The following LGR5 variants were observed in gnomAD, a reference collection of about 807,000 sequenced individuals.
LGR5 encodes the protein leucine-rich repeat-containing G protein-coupled receptor 5.
LGR5 carries 54 observed loss-of-function variants against 76.7 expected under a neutral mutation model. The observed-to-expected ratio is 0.70, with a 90% CI of 0.57 to 0.88. The LOEUF (loss-of-function observed/expected upper bound fraction) is 0.88, where lower values mean the gene tolerates loss of function less well. Ranked by LOEUF, LGR5 falls within the 40% of genes least tolerant of loss-of-function variation. The pLI, the probability that LGR5 is intolerant of heterozygous loss-of-function variation, is 0.00. For synonymous variants in LGR5, 406 were observed against 421.9 expected (o/e 0.96, Z 0.46); for missense variants, 1,078 against 1,073.3 (o/e 1.00, Z -0.06).
intron 1 of LGR5, among the ~76,000 whole-genome samples, chr12:71,493,770 C>T (rs1218410652): frequency 1.5e-5 from 2 of 129,558 alleles, no homozygotes; most frequent in Admixed American, 7.8e-5. Context: ...AGTAAATAAG[C>T]TTTTTTTTTT....
chr12:71,537,183 C>CAAAAAAAAAAAA (rs35199889), intron 4 of LGR5, among the ~76,000 whole-genome samples: 2 of 111,130 alleles, frequency 1.8e-5, no homozygotes, highest in African/African-American at 3.5e-5. Context: ...TAAGAGTTGT[C>CAAAAAAAAAAAA]AAAAAAAAAA....
At chr12:71,503,278 A>G (rs1175271989) in intron 1 of LGR5, among the ~76,000 whole-genome samples, 3 of 152,164 alleles carry the variant, frequency 2.0e-5, no homozygotes, top group African/African-American at 7.2e-5. Flanking sequence ...CGCCAGAAAA[A>G]TCCAGATTTT....
intron 4 of LGR5, among the ~76,000 whole-genome samples, chr12:71,550,962 T>A (rs1877452203): frequency 6.6e-6 from 1 of 152,258 alleles, no homozygotes; most frequent in South Asian, 2.1e-4. Flanking sequence ...TATTTGAGCA[T>A]AAGCCAGGCA....
intron 1 of LGR5, among the ~76,000 whole-genome samples, chr12:71,446,438 G>C (rs533865516): frequency 2.2e-4 from 33 of 152,216 alleles, no homozygotes; most frequent in African/African-American, 7.9e-4. Flanking sequence ...TCAGTCATAG[G>C]CCCCACAAAG....
At chr12:71,573,941 C>G (rs539410699) in intron 13 of LGR5, among the ~76,000 whole-genome samples, 1 of 150,618 alleles carries the variant, frequency 6.6e-6, no homozygotes, top group Non-Finnish European at 1.5e-5. Flanking sequence ...AAGGAAAATA[C>G]TTTTATTTTC....
At chr12:71,569,149 C>T (rs1878485420) in intron 11 of LGR5, among the ~76,000 whole-genome samples, 7 of 152,128 alleles carry the variant, frequency 4.6e-5, no homozygotes. Context: ...ACACCTTATA[C>T]AAAAATTAAC....
At chr12:71,464,452 A>G (rs1266762772) in intron 1 of LGR5, among the ~76,000 whole-genome samples, 1 of 152,230 alleles carries the variant, frequency 6.6e-6, no homozygotes, top group African/African-American at 2.4e-5. Context: ...TCAGAAGTAC[A>G]TGACATGAAA....
At chr12:71,508,346 A>G (rs1482769666) in intron 2 of LGR5, among the ~76,000 whole-genome samples, 1 of 152,262 alleles carries the variant, frequency 6.6e-6, no homozygotes, top group East Asian at 1.9e-4. Context: ...TAAACTGTGT[A>G]GATAGCCATG....
intron 1 of LGR5, among the ~76,000 whole-genome samples, chr12:71,473,585 G>A (rs933306757): frequency 6.6e-6 from 1 of 151,606 alleles, no homozygotes; most frequent in Non-Finnish European, 1.5e-5. Flanking sequence ...ACCAACCGGG[G>A]CAACATAGTG....
At chr12:71,522,854 T>G (rs1286827537) in intron 2 of LGR5, among the ~76,000 whole-genome samples, 3 of 152,166 alleles carry the variant, frequency 2.0e-5, no homozygotes, top group Non-Finnish European at 4.4e-5. Flanking sequence ...TATCTTAACA[T>G]TTCTTGTAAT....
rs1032513150 is a variant in LGR5, at chr12:71,585,816, C to T, written c.*1082C>T. 5 of 152,154 alleles carry T rather than the reference C, an allele frequency of 3.3e-5. No individual in the cohort carries two copies. Among genetic ancestry groups the T allele is most frequent in the African/African-American group, 4.8e-5 (2 of 41,444 alleles). 9.4% of individuals were successfully genotyped at this position (152,154 alleles called of 1,614,324 possible). A position where few individuals can be genotyped will look rare whatever the true frequency, so the allele number is the denominator to read the frequency against. On this transcript the variant is annotated 3_prime_UTR_variant, in exon 18 of 18. Transcript: ENST00000266674. ...TTTTAGCTGTGTTCTCTCTGGATAA[C>T]CCACTTGATGTTAGGAACATTACTT...
chr12:71,573,435 C>T (rs904197638), intron 13 of LGR5, among the ~76,000 whole-genome samples: 1 of 152,188 alleles, frequency 6.6e-6, no homozygotes, highest in Non-Finnish European at 1.5e-5. Flanking sequence ...GGTTTGAACA[C>T]AGCTGTTCTA....
intron 1 of LGR5, among the ~76,000 whole-genome samples, chr12:71,502,692 C>T (rs1441081093): frequency 1.3e-5 from 2 of 152,234 alleles, no homozygotes; most frequent in Non-Finnish European, 2.9e-5. Context: ...ATGCTCTTCT[C>T]AGGCTTGCCT....
intron 1 of LGR5, among the ~76,000 whole-genome samples, chr12:71,482,059 G>T (rs1176147163): frequency 2.0e-5 from 3 of 152,178 alleles, no homozygotes; most frequent in Non-Finnish European, 1.5e-5. Context: ...GGAAAGTGGG[G>T]AGGGAAGGTA....
At chr12:71,507,075 G>C (rs1874893933) in intron 2 of LGR5, among the ~76,000 whole-genome samples, 1 of 152,086 alleles carries the variant, frequency 6.6e-6, no homozygotes, top group South Asian at 2.1e-4. Context: ...TGTTGAAAGT[G>C]CTTTACACAC....
chr12:71,503,889 G>T (rs1874723595), intron 1 of LGR5, among the ~76,000 whole-genome samples: 2 of 151,880 alleles, frequency 1.3e-5, no homozygotes, highest in Non-Finnish European at 2.9e-5. Flanking sequence ...GAAATAGGGG[G>T]GAAAAAAACA....
chr12:71,479,378 AT>A (rs1190294293), intron 1 of LGR5, among the ~76,000 whole-genome samples: 21 of 152,214 alleles, frequency 1.4e-4, no homozygotes, highest in Non-Finnish European at 1.9e-4. Context: ...GTGCCAGAGG[AT>A]GCAGCATTTA....
At chr12:71,510,031 T>C (rs1272375501) in intron 2 of LGR5, among the ~76,000 whole-genome samples, 1 of 152,208 alleles carries the variant, frequency 6.6e-6, no homozygotes, top group Non-Finnish European at 1.5e-5. Context: ...AGCATCTGTA[T>C]AGCTGTCCTG....
Position 71,585,574 on chromosome 12 carries a change from T to A in LGR5, c.*840T>A, listed in dbSNP as rs942564795. On this transcript the variant is annotated 3_prime_UTR_variant, in exon 18 of 18. Coordinates refer to ENST00000266674, the MANE Select transcript of LGR5 (RefSeq NM_003667.4). ...GGAAAAGAAAGTAAGCAATCTGGGA[T>A]TTTTTTTCTGGGTTAGTAAAGAATT... 1 of 152,114 alleles carries A rather than the reference T, an allele frequency of 6.6e-6. No individual in the cohort carries two copies. The highest frequency in any genetic ancestry group is 6.6e-5 in the Admixed American group (1 of 15,264). 9.4% of individuals were successfully genotyped at this position (152,114 alleles called of 1,614,324 possible).
Sources: gnomAD v4.1 joint callset for allele counts (sites outside exome capture counted in the v4.1 genomes callset) on GRCh38, gnomAD v4.1.1 for gene constraint, MANE v1.5 for transcripts, NCBI Gene and HGNC (gene_info 2026-07-23, HGNC 2026-07-21) for gene names.